EVC2: variants seen among roughly 807,000 people sequenced by gnomAD.
The protein encoded by EVC2 is EvC ciliary complex subunit 2.
Under a neutral mutation model 149.3 loss-of-function variants are expected in EVC2, and 148 were observed. The observed-to-expected ratio is 0.99, with a 90% confidence interval of 0.87 to 1.14. EVC2 has a LOEUF of 1.14. Ranked by LOEUF, EVC2 falls within the 50% of genes most tolerant of loss-of-function variation. EVC2 has a pLI of 0.00. For synonymous variants in EVC2, 776 were observed against 649.9 expected (o/e 1.19, Z -2.95); for missense variants, 1,854 against 1,627.3 (o/e 1.14, Z -2.40).
At chr4:5,645,247 CTCTTT>C (rs1560191579) in intron 9 of EVC2, among the ~76,000 whole-genome samples, 3 of 89,408 alleles carry the variant, frequency 3.4e-5, no homozygotes, top group Admixed American at 1.1e-4. Flanking sequence ...TAACATCCAC[CTCTTT>C]TTTTTTTTTT....
chr4:5,631,689 T>C lies in EVC2; in HGVS notation c.1710+104A>G, dbSNP rs76624078. On this transcript the variant is annotated intron_variant, in intron 11 of 21. Coordinates refer to ENST00000344408, the MANE Select transcript of EVC2 (RefSeq NM_147127.5). The stretch of plus-strand genomic sequence containing the variant: ...AGAGATAGAAGAGAAAGCTCACTAG[T>C]GCACAGTACAAAGGAGAGGCAGGAC... 7 of 1,475,330 alleles carry C rather than the reference T, an allele frequency of 4.7e-6. No homozygotes were observed. The African/African-American group carries it at 9.8e-5, about 21-fold the overall frequency. 91.4% of individuals were successfully genotyped at this position (1,475,330 alleles called of 1,614,324 possible). A position where few individuals can be genotyped will look rare whatever the true frequency, so the allele number is the denominator to read the frequency against.
intron 11 of EVC2, among the ~76,000 whole-genome samples, chr4:5,630,557 T>C (rs1338462008): frequency 2.0e-5 from 3 of 152,198 alleles, no homozygotes; most frequent in African/African-American, 7.2e-5. Flanking sequence ...CAAGCCACTT[T>C]CTGGAATGAT....
intron 7 of EVC2, among the ~76,000 whole-genome samples, 200 bp downstream of exon 7, chr4:5,681,060 G>A: frequency 6.6e-6 from 1 of 152,334 alleles, no homozygotes; most frequent in Admixed American, 6.5e-5. Context: ...CCTTGTCCAG[G>A]TGGAGGGTCA....
At chr4:5,699,837 T>C (rs1484652337) in intron 1 of EVC2, among the ~76,000 whole-genome samples, 2 of 151,566 alleles carry the variant, frequency 1.3e-5, no homozygotes, top group African/African-American at 4.8e-5. Flanking sequence ...AAATAAATAA[T>C]AAATATTAAT....
At chr4:5,699,587 A>T (rs1233308398) in intron 1 of EVC2, among the ~76,000 whole-genome samples, 1 of 151,656 alleles carries the variant, frequency 6.6e-6, no homozygotes, top group Non-Finnish European at 1.5e-5. Flanking sequence ...GTCCATCCAT[A>T]AAATGGAATA....
chr4:5,593,769 T>G (rs567560501), intron 16 of EVC2, among the ~76,000 whole-genome samples: 100 of 152,236 alleles, frequency 6.6e-4, no homozygotes, highest in African/African-American at 2.1e-3. Flanking sequence ...GGGAGAGGCA[T>G]TGCCTCACTC....
At chr4:5,583,428 CA>C (rs1711979602) in intron 17 of EVC2, among the ~76,000 whole-genome samples, 1 of 152,132 alleles carries the variant, frequency 6.6e-6, no homozygotes, top group Admixed American at 6.5e-5. Flanking sequence ...ATGAGACTGG[CA>C]AAATACCTTA....
At chr4:5,579,544 G>T (rs1711569715) in intron 17 of EVC2, among the ~76,000 whole-genome samples, 1 of 152,184 alleles carries the variant, frequency 6.6e-6, no homozygotes, top group South Asian at 2.1e-4. Flanking sequence ...GCAGAGGGAA[G>T]ATCAGAAGAT....
At chr4:5,635,423 T>C (rs1716830832) in intron 10 of EVC2, among the ~76,000 whole-genome samples, 1 of 152,174 alleles carries the variant, frequency 6.6e-6, no homozygotes, top group Non-Finnish European at 1.5e-5. Flanking sequence ...ATAAGGCACA[T>C]GCATCCTATG....
At chr4:5,551,173 TC>T (rs34154041) in intron 21 of EVC2, among the ~76,000 whole-genome samples, 72,345 of 151,908 alleles carry the variant, frequency 0.48, 19,294 homozygotes, top group East Asian at 0.93. Flanking sequence ...GCCACTGTAC[TC>T]CAGACCCCAG....
intron 14 of EVC2, among the ~76,000 whole-genome samples, chr4:5,620,697 C>A (rs1715626456): frequency 6.6e-6 from 1 of 152,322 alleles, no homozygotes; most frequent in East Asian, 1.9e-4. Context: ...AAAAATCATA[C>A]ACTTCTCTGA....
At chr4:5,600,977 G>C (rs1713927809) in intron 16 of EVC2, among the ~76,000 whole-genome samples, 1 of 152,182 alleles carries the variant, frequency 6.6e-6, no homozygotes, top group Non-Finnish European at 1.5e-5. Flanking sequence ...TAAAACCCCA[G>C]CTCTCTTCCT....
chr4:5,694,268 T>C, intron 3 of EVC2, 67 bp downstream of exon 3: 1 of 1,557,886 alleles, frequency 6.4e-7, no homozygotes, highest in Non-Finnish European at 8.8e-7. Context: ...CCATTTTATA[T>C]ACAGGCCATA....
At chr4:5,623,748 C>G (rs1715907714) in intron 13 of EVC2, among the ~76,000 whole-genome samples, 1 of 152,172 alleles carries the variant, frequency 6.6e-6, no homozygotes, top group African/African-American at 2.4e-5. Flanking sequence ...CGCCTGGGTT[C>G]CAGTCCTGGC....
chr4:5,648,719 C>G (rs1717903364), intron 9 of EVC2, among the ~76,000 whole-genome samples: 1 of 152,166 alleles, frequency 6.6e-6, no homozygotes, highest in African/African-American at 2.4e-5. Flanking sequence ...TCCCAGTTGC[C>G]TGGGAAGACA....
intron 9 of EVC2, among the ~76,000 whole-genome samples, chr4:5,650,016 G>C (rs549521329): frequency 4.7e-4 from 72 of 152,310 alleles, no homozygotes; most frequent in African/African-American, 1.6e-3. Context: ...TAAATTTCTA[G>C]TTGGGTAAAA....
downstream of EVC2, among the ~76,000 whole-genome samples, chr4:5,538,189 T>C (rs984195143): frequency 6.6e-6 from 1 of 151,748 alleles, no homozygotes; most frequent in African/African-American, 2.4e-5. Flanking sequence ...AAAAGAATAA[T>C]AAAATATTAT....
Position 5,704,878 on chromosome 4 carries a change from T to C in EVC2, c.228+3408A>G, listed in dbSNP as rs570926090. ...GTGCTATCACACACAGCTATATATA[T>C]ATATATGTTTTGTAGAGATGGGGGT... On this transcript the variant is annotated intron_variant, in intron 1 of 21. Transcript: ENST00000344408. Among the ~76,000 whole-genome samples, 55 of 151,862 alleles carry C rather than the reference T, an allele frequency of 3.6e-4. 1 individual carries two copies. Among genetic ancestry groups the C allele is most frequent in the Non-Finnish European group, 5.3e-4 (36 of 67,930 alleles).
chr4:5,704,358 G>A lies in EVC2; in HGVS notation c.228+3928C>T, dbSNP rs564419128. Among the ~76,000 whole-genome samples, 257 of 152,266 alleles carry A rather than the reference G, an allele frequency of 1.7e-3. 2 individuals are homozygous for A. The highest frequency in any genetic ancestry group is 5.6e-3 in the African/African-American group (232 of 41,550). On this transcript the variant is annotated intron_variant, in intron 1 of 21. Transcript: ENST00000344408. ...AGGGAGGAGGCAAGGAGGGTGCCAA[G>A]GCCTCTGGGCCCAGCAAGAAAAAGA...
Sources: gnomAD v4.1 joint callset for allele counts (sites outside exome capture counted in the v4.1 genomes callset) on GRCh38, gnomAD v4.1.1 for gene constraint, MANE v1.5 for transcripts, NCBI Gene and HGNC (gene_info 2026-07-23, HGNC 2026-07-21) for gene names.